Variants in RALYL observed in about 807,000 individuals in gnomAD.
The protein encoded by RALYL is RNA-binding Raly-like protein.
Under a neutral mutation model 35.1 loss-of-function variants are expected in RALYL, and 29 were observed. That is an observed-to-expected ratio of 0.83 (90% CI 0.61 to 1.13). The LOEUF is 1.13. Ranked by LOEUF, RALYL falls within the 50% of genes most tolerant of loss-of-function variation. The pLI is 0.00. For synonymous variants in RALYL, 120 were observed against 127.6 expected (o/e 0.94, Z 0.40); for missense variants, 359 against 360.4 (o/e 1.00, Z 0.03).
At chr8:84,327,680 G>GA (rs147645854) in intron 1 of RALYL, among the ~76,000 whole-genome samples, 6,301 of 140,714 alleles carry the variant, frequency 0.045, 162 homozygotes, top group African/African-American at 0.066. Flanking sequence ...GCCCTTCACA[G>GA]AAAAAAAAAA....
intron 1 of RALYL, among the ~76,000 whole-genome samples, chr8:84,410,399 G>T (rs1586939357): frequency 1.3e-5 from 2 of 152,008 alleles, no homozygotes; most frequent in South Asian, 4.1e-4. Flanking sequence ...ATCCAGAACA[G>T]ATAAGTAAAT....
intron 2 of RALYL, among the ~76,000 whole-genome samples, chr8:84,544,682 G>A (rs894646514): frequency 1.3e-5 from 2 of 151,850 alleles, no homozygotes; most frequent in African/African-American, 4.8e-5. Flanking sequence ...AATGAGTGTG[G>A]GATCAAATAG....
intron 4 of RALYL, among the ~76,000 whole-genome samples, chr8:84,847,781 A>T (rs116115855): frequency 6.6e-4 from 101 of 152,250 alleles, no homozygotes; most frequent in African/African-American, 2.4e-3. Flanking sequence ...TAGCCATACA[A>T]TGCTCAGTCT....
intron 1 of RALYL, among the ~76,000 whole-genome samples, chr8:84,441,701 A>G (rs2048348836): frequency 1.3e-5 from 2 of 152,134 alleles, no homozygotes; most frequent in South Asian, 4.1e-4. Context: ...CCTATGTCAA[A>G]TCAGATCGGC....
Position 84,411,415 on chromosome 8 carries a change from C to G in RALYL, c.-23-117884C>G, listed in dbSNP as rs190421818. Reference sequence around the variant, plus strand: ...TCTAAAATTTAACAGTTCTGAGTGTCATCATACTGCTTCTATTCCCTCTCC... The same window carrying G: ...TCTAAAATTTAACAGTTCTGAGTGTGATCATACTGCTTCTATTCCCTCTCC... On this transcript the variant is annotated intron_variant, in intron 1 of 8. Transcript: ENST00000521268. 3.7e-3 allele frequency among the ~76,000 whole-genome samples: 567 copies of G among 151,966 alleles called. 1 individual carries two copies. Among genetic ancestry groups the G allele is most frequent in the Non-Finnish European group, 7.0e-3 (475 of 67,798 alleles).
chr8:84,486,499 C>A (rs578135948), intron 1 of RALYL, among the ~76,000 whole-genome samples: 94 of 151,740 alleles, frequency 6.2e-4, no homozygotes, highest in Non-Finnish European at 1.3e-3. Flanking sequence ...TTTGCATATT[C>A]ATAATTAATA....
intron 2 of RALYL, among the ~76,000 whole-genome samples, chr8:84,530,956 T>C (rs1234869853): frequency 1.3e-5 from 2 of 152,148 alleles, no homozygotes; most frequent in Non-Finnish European, 2.9e-5. Context: ...TGCTAATTAT[T>C]TGCTCCTTTC....
At chr8:84,833,465 C>A (rs1184681738) in intron 4 of RALYL, among the ~76,000 whole-genome samples, 1 of 151,854 alleles carries the variant, frequency 6.6e-6, no homozygotes, top group Non-Finnish European at 1.5e-5. Flanking sequence ...TGAAGAAACC[C>A]TGTCTCTACT....
At chr8:84,756,544 T>C (rs1029031259) in intron 2 of RALYL, among the ~76,000 whole-genome samples, 3 of 152,156 alleles carry the variant, frequency 2.0e-5, no homozygotes, top group African/African-American at 7.2e-5. Context: ...TAGGTAGATA[T>C]TTTAAGAACC....
At chr8:84,208,969 A>G (rs1440470596) in intron 1 of RALYL, among the ~76,000 whole-genome samples, 2 of 152,006 alleles carry the variant, frequency 1.3e-5, no homozygotes, top group Non-Finnish European at 2.9e-5. Flanking sequence ...TATTGGCTGC[A>G]TGAGGCTCTC....
At chr8:84,212,260 AT>A (rs1422048636) in intron 1 of RALYL, among the ~76,000 whole-genome samples, 1 of 152,154 alleles carries the variant, frequency 6.6e-6, no homozygotes, top group Admixed American at 6.6e-5. Flanking sequence ...TGGAAATTCC[AT>A]TTATTTTACA....
chr8:84,218,624 C>A (rs1012645637), intron 1 of RALYL, among the ~76,000 whole-genome samples: 1 of 152,044 alleles, frequency 6.6e-6, no homozygotes. Context: ...TGAGGTTTCA[C>A]TCCCTCTGAA....
At chr8:84,665,117 A>T (rs777691541) in intron 2 of RALYL, among the ~76,000 whole-genome samples, 7 of 152,010 alleles carry the variant, frequency 4.6e-5, no homozygotes, top group Non-Finnish European at 7.4e-5. Context: ...TGTTTATGTG[A>T]TGAGTCACTT....
Position 84,787,652 on chromosome 8 carries a change from T to G in RALYL, c.332+12998T>G, listed in dbSNP as rs1228295408. 2.0e-5 allele frequency among the ~76,000 whole-genome samples: 3 copies of G among 152,340 alleles called. No homozygotes were observed. The East Asian group carries it at 5.8e-4, about 29-fold the overall frequency. ...CACTCCCACCAACAGTGTAAAAGTG[T>G]TTCTATTTCTCCACATCCTCTCCAG... On this transcript the variant is annotated intron_variant, in intron 3 of 8. Coordinates refer to ENST00000521268, the MANE Select transcript of RALYL (RefSeq NM_173848.7).
chr8:84,706,629 G>A (rs1304762174), intron 2 of RALYL, among the ~76,000 whole-genome samples: 1 of 152,116 alleles, frequency 6.6e-6, no homozygotes, highest in Non-Finnish European at 1.5e-5. Context: ...GGGTTAAAAG[G>A]AGTCATCTGC....
At chr8:84,740,576 G>A (rs992623453) in intron 2 of RALYL, among the ~76,000 whole-genome samples, 2 of 152,016 alleles carry the variant, frequency 1.3e-5, no homozygotes, top group African/African-American at 2.4e-5. Context: ...GTGCAATACA[G>A]TATTGTTAGC....
intron 3 of RALYL, among the ~76,000 whole-genome samples, chr8:84,785,473 T>C (rs1048829764): frequency 6.6e-6 from 1 of 152,336 alleles, no homozygotes; most frequent in African/African-American, 2.4e-5. Context: ...TTCTGCTGTT[T>C]ACTTCCCAAT....
intron 1 of RALYL, among the ~76,000 whole-genome samples, chr8:84,467,014 C>G (rs1375771006): frequency 4.6e-5 from 7 of 152,090 alleles, no homozygotes; most frequent in Non-Finnish European, 8.8e-5. Flanking sequence ...TTTATTGCAT[C>G]TGTTTGATTC....
chr8:84,656,026 GAA>G (rs569871247), intron 2 of RALYL, among the ~76,000 whole-genome samples: 120 of 152,246 alleles, frequency 7.9e-4, no homozygotes, highest in Middle Eastern at 3.4e-3. Context: ...TACTCGAAAT[GAA>G]TTTCATAATT....
Sources: allele counts gnomAD v4.1 joint callset (sites outside exome capture counted in the v4.1 genomes callset), GRCh38; gene constraint gnomAD v4.1.1; transcripts MANE v1.5; gene names NCBI Gene and HGNC (gene_info 2026-07-23, HGNC 2026-07-21).